The following OTOGL variants were observed in gnomAD, a reference collection of about 807,000 sequenced individuals.
The protein encoded by OTOGL is otogelin-like protein.
A neutral mutation model predicts 318.5 loss-of-function variants in OTOGL; 285 were observed. The observed-to-expected ratio is 0.89, with a 90% CI of 0.81 to 0.99. The LOEUF is 0.99. Among genes scored for constraint, OTOGL ranks in the 50% least tolerant of loss-of-function variants. The probability of loss-of-function intolerance (pLI) is 0.00; values close to 1 mark genes in which losing one functional copy is unlikely to be tolerated. For synonymous variants in OTOGL, 987 were observed against 936.5 expected, an observed-to-expected ratio of 1.05 and a Z score of -0.99; for missense variants, 2,899 against 2,845.6, an observed-to-expected ratio of 1.02 and a Z score of -0.43.
intron 22 of OTOGL, among the ~76,000 whole-genome samples, 170 bp from the exon 23 acceptor site, chr12:80,269,932 G>A (rs994967522): frequency 2.6e-5 from 4 of 151,792 alleles, no homozygotes; most frequent in South Asian, 2.1e-4. Flanking sequence ...TTGAAATAGC[G>A]TTCCTGAAAT....
At chr12:80,323,694 C>T in intron 34 of OTOGL, 29 bp from the exon 35 acceptor site, 3 of 1,509,366 alleles carry the variant, frequency 2.0e-6, no homozygotes, top group Non-Finnish European at 2.8e-6. Flanking sequence ...ATTAAATATG[C>T]ACACAATCTA....
Position 80,379,821 on chromosome 12 carries a change from T to C in OTOGL, c.*1773T>C, listed in dbSNP as rs1010721294. The C allele has an allele frequency of 6.6e-6, 1 of 151,956 alleles. No individual in the cohort carries two copies. Among genetic ancestry groups the C allele is most frequent in the Non-Finnish European group, 1.5e-5 (1 of 67,880 alleles). 9.4% of individuals were successfully genotyped at this position (151,956 alleles called of 1,614,324 possible). A position where few individuals can be genotyped will look rare whatever the true frequency, so the allele number is the denominator to read the frequency against. ...ATTCAACAAATACAGCAAATAAGCATTTAGGGCCTACATGTGCCAGGCACT... is the reference window on the plus strand; with the variant it reads ...ATTCAACAAATACAGCAAATAAGCACTTAGGGCCTACATGTGCCAGGCACT... On this transcript the variant is annotated 3_prime_UTR_variant, in exon 59 of 59. Transcript: ENST00000547103.
intron 1 of OTOGL, among the ~76,000 whole-genome samples, chr12:80,110,171 C>T (rs1245481591): frequency 6.6e-6 from 1 of 150,850 alleles, no homozygotes; most frequent in Non-Finnish European, 1.5e-5. Context: ...AGGTTCACGC[C>T]ATTCTCCTGC....
At chr12:80,307,352 C>G (rs1312833984) in intron 29 of OTOGL, among the ~76,000 whole-genome samples, 2 of 151,762 alleles carry the variant, frequency 1.3e-5, no homozygotes. Flanking sequence ...GGTGGCCGGG[C>G]AGAGGGGCTC....
intron 5 of OTOGL, among the ~76,000 whole-genome samples, chr12:80,218,698 T>C (rs1309530689): frequency 1.3e-5 from 2 of 151,988 alleles, no homozygotes; most frequent in African/African-American, 4.8e-5. Flanking sequence ...ATAACTTTTC[T>C]TTCTATGAAA....
In OTOGL at chr12:80,358,740, A is replaced by G; in HGVS notation, c.6191A>G (p.Asn2064Ser). ...CAEDMNLVKE[N>S]VSGQCCPTWH... is the part of the protein sequence containing the mutation. ...GAAGATATGAATCTTGTGAAAGAAAATGTATCTGGTCAATGTTGCCCAACA... is the reference window on the plus strand; with the variant it reads ...GAAGATATGAATCTTGTGAAAGAAAGTGTATCTGGTCAATGTTGCCCAACA... The change falls in exon 51 of 59, where the codon AAT (asparagine) becomes AGT (serine). Residue 2064 changes from asparagine (N) to serine (S), a missense_variant. Physicochemically the swap from Asn to Ser is conservative, Grantham distance 46. This residue lies in a region of OTOGL where 2,607 missense variants were observed against 2,524.9 expected (regional missense o/e 1.03). Transcript: ENST00000547103. 4 of 1,612,728 alleles carry G rather than the reference A, an allele frequency of 2.5e-6. No individual in the cohort carries two copies. The highest frequency in any genetic ancestry group is 3.4e-6 in the Non-Finnish European group (4 of 1,179,006).
intron 1 of OTOGL, among the ~76,000 whole-genome samples, chr12:80,207,428 C>T (rs906301162): frequency 1.3e-5 from 2 of 152,096 alleles, no homozygotes; most frequent in Admixed American, 1.3e-4. Context: ...TGGTCTCAAA[C>T]TCCCGACCTC....
At chr12:80,277,997 T>C (rs555484571) in intron 24 of OTOGL, among the ~76,000 whole-genome samples, 171 bp from the exon 25 acceptor site, 1 of 151,578 alleles carries the variant, frequency 6.6e-6, no homozygotes, top group South Asian at 2.1e-4. Flanking sequence ...TAAGGTACTA[T>C]GTGGAAAAAG....
intron 44 of OTOGL, among the ~76,000 whole-genome samples, chr12:80,343,027 G>A (rs1446842377): frequency 6.6e-6 from 1 of 152,068 alleles, no homozygotes; most frequent in Non-Finnish European, 1.5e-5. Flanking sequence ...GACTGCAGGT[G>A]CCGGCGACCA....
chr12:80,357,261 A>G (rs1413082810), intron 49 of OTOGL, among the ~76,000 whole-genome samples: 12 of 152,162 alleles, frequency 7.9e-5, no homozygotes, highest in Non-Finnish European at 1.6e-4. Flanking sequence ...ACTTCATAGG[A>G]CGTCTTTAAA....
Position 80,378,134 on chromosome 12 carries a change from T to A in OTOGL, c.*86T>A. 9.8e-7 allele frequency: 1 copy of A among 1,021,552 alleles called. No individual in the cohort carries two copies. The highest frequency in any genetic ancestry group is 1.7e-5 in the South Asian group (1 of 59,462). The allele number at this position is 1,021,552 out of a possible 1,614,324, so 63.3% of individuals were successfully genotyped here. A position where few individuals can be genotyped will look rare whatever the true frequency, so the allele number is the denominator to read the frequency against. On this transcript the variant is annotated 3_prime_UTR_variant, in exon 59 of 59. Coordinates refer to ENST00000547103, the MANE Select transcript of OTOGL (RefSeq NM_001378609.3). Reference sequence around the variant, plus strand: ...GCTATTACTTAGGCATGTGGCAGATTTATGCTGTTTAACAATACTGTATTT... The same window carrying A: ...GCTATTACTTAGGCATGTGGCAGATATATGCTGTTTAACAATACTGTATTT...
intron 13 of OTOGL, among the ~76,000 whole-genome samples, chr12:80,252,623 A>G (rs1043705772): frequency 3.3e-5 from 5 of 152,230 alleles, no homozygotes; most frequent in African/African-American, 1.2e-4. Flanking sequence ...AGGATTTAAA[A>G]TTAGGAATGA....
At chr12:80,219,486 G>A (rs1383157323) in intron 5 of OTOGL, among the ~76,000 whole-genome samples, 1 of 152,322 alleles carries the variant, frequency 6.6e-6, no homozygotes, top group South Asian at 2.1e-4. Flanking sequence ...GGAATCATCT[G>A]CAGCTTGTGT....
chr12:80,122,479 GTAT>G (rs1056722560), intron 1 of OTOGL, among the ~76,000 whole-genome samples: 13 of 152,152 alleles, frequency 8.5e-5, no homozygotes, highest in African/African-American at 2.7e-4. Context: ...TTAATTATTA[GTAT>G]TATTATAGAA....
intron 18 of OTOGL, among the ~76,000 whole-genome samples, chr12:80,260,676 A>G (rs1186103551): frequency 2.6e-5 from 4 of 152,164 alleles, no homozygotes; most frequent in Non-Finnish European, 4.4e-5. Flanking sequence ...GACTATGGTG[A>G]GCTGAAACGT....
intron 57 of OTOGL, among the ~76,000 whole-genome samples, chr12:80,373,314 C>T (rs1196853623): frequency 1.3e-5 from 2 of 152,078 alleles, no homozygotes; most frequent in Non-Finnish European, 2.9e-5. Flanking sequence ...TGCCTGTGAT[C>T]CCAGCTACTT....
chr12:80,254,703 A>G, intron 15 of OTOGL, 133 bp downstream of exon 15: 1 of 694,692 alleles, frequency 1.4e-6, no homozygotes, highest in East Asian at 2.9e-5. Flanking sequence ...AATTACTCAG[A>G]GGATACATGG....
chr12:80,306,234 C>CT (rs1886096888), intron 29 of OTOGL, among the ~76,000 whole-genome samples: 1 of 152,138 alleles, frequency 6.6e-6, no homozygotes, highest in Non-Finnish European at 1.5e-5. Flanking sequence ...TCAAAGGTTT[C>CT]TTGAGGCATT....
At chr12:80,271,906 T>C (rs368888398) in intron 24 of OTOGL, 96 bp downstream of exon 24, 7 of 1,389,362 alleles carry the variant, frequency 5.0e-6, no homozygotes, top group Middle Eastern at 2.0e-4. Context: ...AGAATTGTTG[T>C]TCTGACTAGT....
Sources: allele counts gnomAD v4.1 joint callset (sites outside exome capture counted in the v4.1 genomes callset), GRCh38; gene constraint gnomAD v4.1.1; regional missense constraint gnomAD v4.1.1; transcripts MANE v1.5; gene names NCBI Gene and HGNC (gene_info 2026-07-23, HGNC 2026-07-21).